GPC6: variants seen among roughly 807,000 people sequenced by gnomAD.
The protein encoded by GPC6 is glypican 6.
A neutral mutation model predicts 55.2 loss-of-function variants in GPC6; 14 were observed. The observed-to-expected ratio is 0.25, with a 90% CI of 0.17 to 0.40. GPC6 has a LOEUF of 0.40. Ranked by LOEUF, GPC6 falls within the 10% of genes least tolerant of loss-of-function variation. GPC6 has a pLI of 1.00. For synonymous variants in GPC6, 278 were observed against 259.6 expected (o/e 1.07, Z -0.68); for missense variants, 641 against 708.5 (o/e 0.90, Z 1.08).
At chr13:94,099,565 G>T (rs1346884874) in intron 4 of GPC6, among the ~76,000 whole-genome samples, 3 of 152,054 alleles carry the variant, frequency 2.0e-5, no homozygotes, top group African/African-American at 7.2e-5. Flanking sequence ...ATCTACTGCT[G>T]CGCCAATTTG....
intron 3 of GPC6, among the ~76,000 whole-genome samples, chr13:93,924,681 T>G (rs958956339): frequency 6.3e-5 from 9 of 143,976 alleles, no homozygotes; most frequent in African/African-American, 2.3e-4. Flanking sequence ...TTCTTTTATC[T>G]TTTTTCTTTC....
intron 1 of GPC6, among the ~76,000 whole-genome samples, chr13:93,411,438 T>G (rs1262609566): frequency 1.3e-5 from 2 of 152,084 alleles, no homozygotes; most frequent in Non-Finnish European, 2.9e-5. Flanking sequence ...GAGCAGAGAG[T>G]GAAATTTTTC....
chr13:94,061,784 AG>A (rs1396024496), intron 4 of GPC6, among the ~76,000 whole-genome samples: 4 of 149,652 alleles, frequency 2.7e-5, no homozygotes, highest in Non-Finnish European at 4.5e-5. Flanking sequence ...GGGGAGAGTC[AG>A]CCCTGGGGGA....
At chr13:93,945,511 A>C (rs929193394) in intron 3 of GPC6, among the ~76,000 whole-genome samples, 1 of 152,248 alleles carries the variant, frequency 6.6e-6, no homozygotes, top group African/African-American at 2.4e-5. Flanking sequence ...AACTAGAAGC[A>C]GGACATCTTA....
chr13:93,898,960 T>TAC (rs1209521964), intron 3 of GPC6, among the ~76,000 whole-genome samples: 3 of 146,822 alleles, frequency 2.0e-5, no homozygotes, highest in African/African-American at 7.5e-5. Context: ...TATATATATA[T>TAC]ATATATACAC....
chr13:94,082,662 CT>C (rs1885141171), intron 4 of GPC6, among the ~76,000 whole-genome samples: 1 of 152,138 alleles, frequency 6.6e-6, no homozygotes. Context: ...TACTACATGC[CT>C]TTTCTCACAT....
intron 1 of GPC6, among the ~76,000 whole-genome samples, chr13:93,383,810 A>G (rs1192377576): frequency 1.3e-5 from 2 of 151,994 alleles, no homozygotes; most frequent in South Asian, 2.1e-4. Context: ...GAACTTTTAT[A>G]TGGAAGTCTA....
At chr13:94,317,758 T>C (rs1486863895) in intron 6 of GPC6, among the ~76,000 whole-genome samples, 1 of 152,194 alleles carries the variant, frequency 6.6e-6, no homozygotes, top group Admixed American at 6.5e-5. Context: ...GAATGAGAAG[T>C]AAAATCAATA....
At chr13:94,083,633 T>C (rs926143827) in intron 4 of GPC6, among the ~76,000 whole-genome samples, 2 of 152,152 alleles carry the variant, frequency 1.3e-5, no homozygotes, top group Non-Finnish European at 2.9e-5. Context: ...CAAGATCCAG[T>C]TTTCTGATAG....
At chr13:94,144,027 G>C (rs541860676) in intron 4 of GPC6, among the ~76,000 whole-genome samples, 1 of 152,306 alleles carries the variant, frequency 6.6e-6, no homozygotes, top group South Asian at 2.1e-4. Context: ...GTTGTTAAAC[G>C]TTTGATTTTG....
intron 6 of GPC6, 48 bp from the exon 7 acceptor site, chr13:94,382,366 G>A (rs1880196350): frequency 6.2e-7 from 1 of 1,610,290 alleles, no homozygotes; most frequent in Non-Finnish European, 8.5e-7. Flanking sequence ...TAGAAATGGG[G>A]AAAGCCTGAG....
intron 2 of GPC6, among the ~76,000 whole-genome samples, chr13:93,702,021 A>G (rs895269443): frequency 1.3e-5 from 2 of 152,068 alleles, no homozygotes; most frequent in African/African-American, 4.8e-5. Flanking sequence ...TTGTCATGGC[A>G]TCCAGAAGAG....
At chr13:94,373,302 G>T (rs1415537895) in intron 6 of GPC6, among the ~76,000 whole-genome samples, 2 of 151,710 alleles carry the variant, frequency 1.3e-5, no homozygotes, top group Non-Finnish European at 2.9e-5. Flanking sequence ...AGGCAAAGAA[G>T]TTGAAAACTT....
chr13:93,677,661 A>C (rs1327125488), intron 2 of GPC6, among the ~76,000 whole-genome samples: 1 of 152,090 alleles, frequency 6.6e-6, no homozygotes. Context: ...CACATAAATC[A>C]CTTTTACTCT....
chr13:93,816,132 A>AT (rs1323395358), intron 2 of GPC6, among the ~76,000 whole-genome samples: 5 of 151,986 alleles, frequency 3.3e-5, no homozygotes, highest in East Asian at 1.9e-4. Flanking sequence ...TCTAAGATTG[A>AT]TTTTTTTTCT....
intron 1 of GPC6, among the ~76,000 whole-genome samples, chr13:93,239,528 T>G (rs1414676167): frequency 6.6e-6 from 1 of 151,948 alleles, no homozygotes; most frequent in Non-Finnish European, 1.5e-5. Context: ...TCTTCTCTAT[T>G]GTTTTCCTGG....
chr13:94,399,261 C>T (rs563283069), intron 8 of GPC6, among the ~76,000 whole-genome samples: 1 of 152,224 alleles, frequency 6.6e-6, no homozygotes, highest in Admixed American at 6.5e-5. Flanking sequence ...AACCCATAGA[C>T]ATTTATATCT....
At position 94,263,896 on chromosome 13, in the gene GPC6, A is replaced by G. The variant is rs139536175; in HGVS notation, c.878-22453A>G. ...TAAAAGACACAGGTGGAAGATGAATAGTCAACGCCATTGATTTTGACACCA... is the reference window on the plus strand; with the variant it reads ...TAAAAGACACAGGTGGAAGATGAATGGTCAACGCCATTGATTTTGACACCA... On this transcript the variant is annotated intron_variant, in intron 4 of 8. Transcript: ENST00000377047. 4.2e-3 allele frequency among the ~76,000 whole-genome samples: 637 copies of G among 152,300 alleles called. 8 individuals are homozygous for G. The highest frequency in any genetic ancestry group is 0.015 in the African/African-American group (606 of 41,566).
At chr13:94,138,899 C>G (rs1163628971) in intron 4 of GPC6, among the ~76,000 whole-genome samples, 1 of 152,016 alleles carries the variant, frequency 6.6e-6, no homozygotes, top group Non-Finnish European at 1.5e-5. Context: ...TGAATTAAGT[C>G]TCCGTCTAGG....
Sources: gnomAD v4.1 joint callset for allele counts (sites outside exome capture counted in the v4.1 genomes callset) on GRCh38, gnomAD v4.1.1 for gene constraint, MANE v1.5 for transcripts, NCBI Gene and HGNC (gene_info 2026-07-23, HGNC 2026-07-21) for gene names.